Variants in LRRFIP1 observed in about 807,000 individuals in gnomAD.
The protein encoded by LRRFIP1 is leucine-rich repeat flightless-interacting protein 1.
In LRRFIP1, 62 loss-of-function variants were observed where a neutral mutation model predicts 104.4. That is an observed-to-expected ratio of 0.59 (90% CI 0.48 to 0.73). LRRFIP1 has a LOEUF of 0.73. Among genes scored for constraint, LRRFIP1 ranks in the 30% least tolerant of loss-of-function variants. The pLI is 0.00. For missense variants in LRRFIP1, 796 were observed against 824.5 expected, an observed-to-expected ratio of 0.97 and a Z score of 0.42; for synonymous variants, 300 against 299.0, an observed-to-expected ratio of 1.00 and a Z score of -0.03.
intron 1 of LRRFIP1, among the ~76,000 whole-genome samples, chr2:237,675,193 G>T (rs1287690220): frequency 6.6e-6 from 1 of 152,192 alleles, no homozygotes; most frequent in Admixed American, 6.5e-5. Flanking sequence ...CCCGGTCTTT[G>T]TCTCCAGCCC....
rs538532125 is a variant in LRRFIP1 at position 237,774,897 on chromosome 2, T to A, written c.1812+435T>A. Reference sequence around the variant, plus strand: ...TCAGGTCACCCTATGGAGAGTGCCCTTGAGAAGCCGAGCTGCTGTTACTCC... The same window carrying A: ...TCAGGTCACCCTATGGAGAGTGCCCATGAGAAGCCGAGCTGCTGTTACTCC... On this transcript the variant is annotated intron_variant, in intron 23 of 23. Coordinates refer to ENST00000308482, the MANE Select transcript of LRRFIP1 (RefSeq NM_001137550.2). 3.8e-4 allele frequency among the ~76,000 whole-genome samples: 58 copies of A among 152,364 alleles called. 2 individuals carry two copies. The South Asian group carries it at 9.7e-3, about 26-fold the overall frequency.
intron 1 of LRRFIP1, among the ~76,000 whole-genome samples, chr2:237,704,523 T>G (rs534746663): frequency 1.3e-5 from 2 of 152,292 alleles, no homozygotes; most frequent in South Asian, 4.1e-4. Context: ...AGTGTGTAGT[T>G]TTGTGTTCGT....
In LRRFIP1 at chr2:237,708,636, G is replaced by A. The variant is rs757911029; in HGVS notation, c.183+6G>A. 129 of 1,593,942 alleles carry A rather than the reference G, an allele frequency of 8.1e-5. No homozygotes were observed. Among genetic ancestry groups the A allele is most frequent in the South Asian group, 6.2e-4 (55 of 88,288 alleles). On this transcript the variant is annotated splice_donor_region_variant and intron_variant, in intron 2 of 23. Coordinates refer to ENST00000308482, the MANE Select transcript of LRRFIP1 (RefSeq NM_001137550.2). Reference sequence around the variant, plus strand: ...TGGAGCGGCAGCAGAAGGAGGTAACGCTTGGGGCTCCTTGTTGGGTCTTTT... The same window carrying A: ...TGGAGCGGCAGCAGAAGGAGGTAACACTTGGGGCTCCTTGTTGGGTCTTTT...
intron 1 of LRRFIP1, among the ~76,000 whole-genome samples, chr2:237,628,293 G>A (rs762926202): frequency 2.6e-5 from 4 of 152,224 alleles, no homozygotes; most frequent in Non-Finnish European, 4.4e-5. Context: ...TCAGGACTGA[G>A]CCTGGAAACG....
Position 237,769,075 on chromosome 2 carries a change from G to A in LRRFIP1, c.1460-868G>A, listed in dbSNP as rs562108207. The A allele has an allele frequency of 1.1e-4, 17 of 152,372 alleles. No homozygotes were observed. The East Asian group carries it at 2.3e-3, about 21-fold the overall frequency. The allele number at this position is 152,372 out of a possible 1,614,324, so 9.4% of individuals were successfully genotyped here. A position where few individuals can be genotyped will look rare whatever the true frequency, so the allele number is the denominator to read the frequency against. On this transcript the variant is annotated intron_variant, in intron 19 of 23. Coordinates refer to ENST00000308482, the MANE Select transcript of LRRFIP1 (RefSeq NM_001137550.2). ...ATCTATAGAAGGAGGCTATGATGAA[G>A]CCTACCCATAGGGCTTCTGGGGCTG...
At chr2:237,660,914 G>T (rs982913965) in intron 1 of LRRFIP1, among the ~76,000 whole-genome samples, 2 of 152,164 alleles carry the variant, frequency 1.3e-5, no homozygotes, top group Non-Finnish European at 2.9e-5. Flanking sequence ...AATATACAGC[G>T]TCGGGACACC....
chr2:237,721,846 T>A (rs527750464), intron 6 of LRRFIP1: 1 of 152,268 alleles, frequency 6.6e-6, no homozygotes, highest in Non-Finnish European at 1.5e-5. Context: ...GGTTCAAATG[T>A]GAGGCCCCGT....
At chr2:237,729,843 GT>G in intron 8 of LRRFIP1, 1 of 985,106 alleles carries the variant, frequency 1.0e-6, no homozygotes, top group Non-Finnish European at 1.2e-6. Flanking sequence ...GGAGAAGTTG[GT>G]TGGTTTCCAT....
At chr2:237,688,655 T>C (rs2092562720) in intron 1 of LRRFIP1, among the ~76,000 whole-genome samples, 4 of 151,838 alleles carry the variant, frequency 2.6e-5, no homozygotes, top group South Asian at 2.1e-4. Context: ...GATGGGGTTT[T>C]GTCATGTTGG....
At chr2:237,758,201 G>A (rs1475147059) in intron 17 of LRRFIP1, among the ~76,000 whole-genome samples, 2 of 151,420 alleles carry the variant, frequency 1.3e-5, no homozygotes, top group Non-Finnish European at 2.9e-5. Flanking sequence ...TGTTTCCACT[G>A]TCACGCTCAT....
chr2:237,647,197 T>C (rs992080484), intron 1 of LRRFIP1, among the ~76,000 whole-genome samples: 1 of 152,010 alleles, frequency 6.6e-6, no homozygotes, highest in African/African-American at 2.4e-5. Flanking sequence ...ACAAACATTC[T>C]GAAGACCCAT....
intron 23 of LRRFIP1, among the ~76,000 whole-genome samples, chr2:237,777,052 T>C (rs546248114): frequency 6.6e-6 from 1 of 152,310 alleles, no homozygotes; most frequent in East Asian, 1.9e-4. Context: ...AAAATTAAAG[T>C]TGAACACTAT....
chr2:237,764,915 T>C (rs115721544), intron 19 of LRRFIP1: 3 of 985,526 alleles, frequency 3.0e-6, no homozygotes, highest in African/African-American at 3.5e-5. Flanking sequence ...CTGGAAGTGA[T>C]ATATGTCAAA....
chr2:237,713,020 A>G (rs933233387), intron 2 of LRRFIP1, among the ~76,000 whole-genome samples: 1 of 152,160 alleles, frequency 6.6e-6, no homozygotes, highest in Non-Finnish European at 1.5e-5. Flanking sequence ...GTCACAAGCC[A>G]TCCCACCTGC....
intron 17 of LRRFIP1, 68 bp downstream of exon 17, chr2:237,757,616 A>G: frequency 2.4e-6 from 3 of 1,247,474 alleles, no homozygotes; most frequent in Non-Finnish European, 3.4e-6. Context: ...GTTTTTTCAG[A>G]GTCTTTAGTT....
At chr2:237,664,158 A>G (rs927001046) in intron 1 of LRRFIP1, among the ~76,000 whole-genome samples, 2 of 152,238 alleles carry the variant, frequency 1.3e-5, no homozygotes, top group Non-Finnish European at 2.9e-5. Context: ...CCTCAGCCAG[A>G]GCCGTTTTAG....
At chr2:237,655,349 A>C (rs562665556) in intron 1 of LRRFIP1, among the ~76,000 whole-genome samples, 2 of 151,488 alleles carry the variant, frequency 1.3e-5, no homozygotes, top group South Asian at 2.1e-4. Context: ...ACCTCAAATG[A>C]TCTGCCCACC....
chr2:237,772,114 C>G lies in LRRFIP1; in HGVS notation c.1543C>G (p.Gln515Glu), dbSNP rs2060696093. The G allele has an allele frequency of 6.2e-7, 1 of 1,613,642 alleles. No individual in the cohort carries two copies. The highest frequency in any genetic ancestry group is 8.5e-7 in the Non-Finnish European group (1 of 1,179,828). Reference protein sequence around the residue: ...KKLKGQLEERQKIGKLDNLRS... With the variant: ...KKLKGQLEEREKIGKLDNLRS... ...ACTCAAAGGGCAGCTGGAGGAGAGA[C>G]AGAAGATTGGCAAACTAGACAATCT... The change falls in exon 21 of 24, where the codon CAG becomes GAG. Residue 515 changes from glutamine to glutamate, a missense_variant. Gln to Glu is a conservative substitution (Grantham distance 29). Coordinates refer to ENST00000308482, the MANE Select transcript of LRRFIP1 (RefSeq NM_001137550.2).
intron 1 of LRRFIP1, among the ~76,000 whole-genome samples, chr2:237,667,210 G>T (rs1397659110): frequency 6.6e-6 from 1 of 151,996 alleles, no homozygotes; most frequent in Non-Finnish European, 1.5e-5. Context: ...CCTGGTAAGT[G>T]TTGTTCCCCT....
Sources: gnomAD v4.1 joint callset for allele counts (sites outside exome capture counted in the v4.1 genomes callset) on GRCh38, gnomAD v4.1.1 for gene constraint, MANE v1.5 for transcripts, NCBI Gene and HGNC (gene_info 2026-07-23, HGNC 2026-07-21) for gene names.